The following PXN variants were observed in gnomAD, a reference collection of about 807,000 sequenced individuals.
PXN encodes testicular tissue protein Li 134.
In PXN, 61 loss-of-function variants were observed where a neutral mutation model predicts 103.6. The observed-to-expected ratio is 0.59, with a 90% CI of 0.48 to 0.73. The LOEUF (loss-of-function observed/expected upper bound fraction) is 0.73, where lower values mean the gene tolerates loss of function less well. Ranked by LOEUF, PXN falls within the 30% of genes least tolerant of loss-of-function variation. PXN has a pLI of 0.00. For synonymous variants in PXN, 562 were observed against 607.8 expected (o/e 0.92, Z 1.11); for missense variants, 1,274 against 1,460.3 (o/e 0.87, Z 2.08).
chr12:120,230,315 C>A (rs1483355381), intron 1 of PXN, among the ~76,000 whole-genome samples: 1 of 152,220 alleles, frequency 6.6e-6, no homozygotes, highest in Non-Finnish European at 1.5e-5. Context: ...AAACAAGTCC[C>A]TGTCCTAGGG....
In PXN at chr12:120,214,141, G is replaced by C; in HGVS notation, c.2825C>G (p.Pro942Arg). 6.4e-7 allele frequency: 1 copy of C among 1,552,802 alleles called. No homozygotes were observed. Among genetic ancestry groups the C allele is most frequent in the Non-Finnish European group, 8.7e-7 (1 of 1,147,840 alleles). ...TCCGCCGGTCCAGCCCGTACCTTCG[G>C]GACCAAAGAAGGCTCCACACTGTGC... ...FCAQCGAFFG[P>R]EGFHEKDGKA... The change falls in exon 13 of 15, where the codon CCC becomes CGC. Residue 942 changes from proline (P) to arginine (R), a missense_variant. By Grantham distance (103) the Pro-to-Arg change is moderately radical. Transcript: ENST00000637617. The surrounding 1 kb of genome is among the most constrained non-coding windows in gnomAD (Gnocchi z 5.0).
At position 120,216,868 on chromosome 12, in the gene PXN, C is replaced by A; in HGVS notation, c.1965G>T (p.Lys655Asn). ...TCTCTACGAGCTGCCCCCCGGCCCG[C>A]TTCCCACGTGGCTGCACAGTGATGA... ...GVIITVQPRGKRAGGQLVEKV... is the reference protein window; with the variant it reads ...GVIITVQPRGNRAGGQLVEKV... Residue 655 changes from lysine to asparagine, a missense_variant, in exon 8 of 15, where the codon AAG (lysine) becomes AAT (asparagine). By Grantham distance (94) the Lys-to-Asn change is moderately conservative (BLOSUM62 0). This residue lies in a region of PXN where 1,178 missense variants were observed against 1,309.0 expected (regional missense o/e 0.90). Transcript: ENST00000637617. The surrounding 1 kb of genome is among the most constrained non-coding windows in gnomAD (Gnocchi z 5.1). 1 of 1,508,066 alleles carries A rather than the reference C, an allele frequency of 6.6e-7. No individual in the cohort carries two copies. 93.4% of individuals were successfully genotyped at this position (1,508,066 alleles called of 1,614,324 possible).
At position 120,212,777 on chromosome 12, in the gene PXN, G is replaced by A. The variant is rs1028185172; in HGVS notation, c.2980-197C>T. ...ATAAATTTTTTTTGTAGAGATGGGG[G>A]TCTCACTATATTGCCCATGCTGGTC... On this transcript the variant is annotated intron_variant, in intron 14 of 14. Transcript: ENST00000637617. This position sits in a 1 kb window ranked among gnomAD's most constrained non-coding sequence, Gnocchi z 7.2. The A allele has an allele frequency of 1.8e-6, 1 of 565,418 alleles. No homozygotes were observed. The highest frequency in any genetic ancestry group is 2.9e-6 in the Non-Finnish European group (1 of 340,192). 35.0% of individuals were successfully genotyped at this position (565,418 alleles called of 1,614,324 possible).
Position 120,212,134 on chromosome 12 carries a change from G to T in PXN, c.*180C>A. 1 of 928,208 alleles carries T rather than the reference G, an allele frequency of 1.1e-6. No individual in the cohort carries two copies. The highest frequency in any genetic ancestry group is 1.7e-6 in the Non-Finnish European group (1 of 586,878). 57.5% of individuals were successfully genotyped at this position (928,208 alleles called of 1,614,324 possible). The stretch of plus-strand genomic sequence containing the variant: ...AGGGAGGAGGGGGCCCAGAGGCTCT[G>T]GCAGGGGTGAAGACAAGCAGGGGGA... On this transcript the variant is annotated 3_prime_UTR_variant, in exon 15 of 15. Transcript: ENST00000637617. The surrounding 1 kb of genome is among the most constrained non-coding windows in gnomAD (Gnocchi z 7.2).
intron 1 of PXN, among the ~76,000 whole-genome samples, chr12:120,230,848 A>G (rs905408588): frequency 2.6e-5 from 4 of 152,172 alleles, no homozygotes; most frequent in Non-Finnish European, 5.9e-5. Flanking sequence ...CAGCCCAGGG[A>G]CCTAGGGCCT....
At chr12:120,250,084 C>A in intron 1 of PXN, 1 of 985,690 alleles carries the variant, frequency 1.0e-6, no homozygotes, top group Non-Finnish European at 1.2e-6. Context: ...GGAGCCCATC[C>A]CACTCAGCTG....
At chr12:120,250,380 T>C (rs545409056) in intron 1 of PXN, among the ~76,000 whole-genome samples, 1 of 152,248 alleles carries the variant, frequency 6.6e-6, no homozygotes, top group Admixed American at 6.5e-5. Context: ...GTCCACTCAG[T>C]GTACAACCAC....
At chr12:120,244,089 C>T (rs141836706) in intron 1 of PXN, among the ~76,000 whole-genome samples, 19 of 151,078 alleles carry the variant, frequency 1.3e-4, no homozygotes, top group African/African-American at 3.7e-4. Context: ...ATGCAAAGCC[C>T]GGTGAGGGAG....
chr12:120,214,805 G>A lies in PXN; in HGVS notation c.2748+20C>T. On this transcript the variant is annotated intron_variant, in intron 12 of 14. Transcript: ENST00000637617. The surrounding 1 kb of genome is among the most constrained non-coding windows in gnomAD (Gnocchi z 5.0). The stretch of plus-strand genomic sequence containing the variant: ...GCTGGAATGAGCGGAAGCGGGCGCG[G>A]TGCCGGATGAGGAACTCACATCCAG... 6.2e-7 allele frequency: 1 copy of A among 1,613,138 alleles called. No homozygotes were observed. Among genetic ancestry groups the A allele is most frequent in the Non-Finnish European group, 8.5e-7 (1 of 1,179,192 alleles).
Position 120,242,133 on chromosome 12 carries a change from G to A in PXN, c.14-17756C>T, listed in dbSNP as rs79648526. On this transcript the variant is annotated intron_variant, in intron 1 of 14. Coordinates refer to ENST00000637617, the MANE Select transcript of PXN (RefSeq NM_001385981.1). Reference sequence around the variant, plus strand: ...CAGGCAGAGCCACAGTGTTCCCTGAGCCAGGGCCCAAGGACGTTTTTCTCT... The same window carrying A: ...CAGGCAGAGCCACAGTGTTCCCTGAACCAGGGCCCAAGGACGTTTTTCTCT... Among the ~76,000 whole-genome samples the A allele has an allele frequency of 9.4e-3, 1,431 of 152,170 alleles. 24 individuals are homozygous for A. The highest frequency in any genetic ancestry group is 0.03 in the African/African-American group (1,243 of 41,496).
At chr12:120,251,936 G>A (rs1445712353) in intron 1 of PXN, among the ~76,000 whole-genome samples, 2 of 152,198 alleles carry the variant, frequency 1.3e-5, no homozygotes, top group African/African-American at 2.4e-5. Context: ...ACCAGTTACT[G>A]AGCACTTTGA....
intron 1 of PXN, chr12:120,247,330 G>C (rs535388401): frequency 7.9e-5 from 12 of 152,296 alleles, no homozygotes; most frequent in Admixed American, 7.2e-4. Context: ...AGGCAGAGTG[G>C]CCCTTTGAGG....
intron 1 of PXN, among the ~76,000 whole-genome samples, chr12:120,227,844 A>G (rs1019286606): frequency 6.6e-6 from 1 of 152,196 alleles, no homozygotes; most frequent in Non-Finnish European, 1.5e-5. Flanking sequence ...ACTTCCCCAT[A>G]GGCTGCAAAA....
intron 1 of PXN, chr12:120,226,130 C>G: frequency 8.5e-7 from 1 of 1,176,732 alleles, no homozygotes; most frequent in Non-Finnish European, 1.1e-6. Context: ...AGGCCAATCC[C>G]CACGGCCTCT....
Position 120,224,858 on chromosome 12 carries a change from G to A in PXN, c.14-481C>T, listed in dbSNP as rs537294334. 2.4e-6 allele frequency: 1 copy of A among 409,500 alleles called. No homozygotes were observed. The highest frequency in any genetic ancestry group is 2.0e-5 in the African/African-American group (1 of 48,980). 25.4% of individuals were successfully genotyped at this position (409,500 alleles called of 1,614,324 possible). On this transcript the variant is annotated intron_variant, in intron 1 of 14. Coordinates refer to ENST00000637617, the MANE Select transcript of PXN (RefSeq NM_001385981.1). This position sits in a 1 kb window ranked among gnomAD's most constrained non-coding sequence, Gnocchi z 5.0. Reference sequence around the variant, plus strand: ...AGCCCCCGACTGGAAGGGGCACTCAGGATGGTCCCTGCCCTCCTAACCAGG... The same window carrying A: ...AGCCCCCGACTGGAAGGGGCACTCAAGATGGTCCCTGCCCTCCTAACCAGG...
chr12:120,215,806 A>AG lies in PXN; in HGVS notation c.2302-146_2302-145insC. 2 of 1,287,728 alleles carry AG rather than the reference A, an allele frequency of 1.6e-6. No homozygotes were observed. Among genetic ancestry groups the AG allele is most frequent in the Non-Finnish European group, 1.0e-6 (1 of 976,408 alleles). The allele number at this position is 1,287,728 out of a possible 1,614,324, so 79.8% of individuals were successfully genotyped here. A position where few individuals can be genotyped will look rare whatever the true frequency, so the allele number is the denominator to read the frequency against. On this transcript the variant is annotated intron_variant, in intron 9 of 14. Transcript: ENST00000637617. This position sits in a 1 kb window ranked among gnomAD's most constrained non-coding sequence, Gnocchi z 4.9. ...GGCAGGACCAAAATTGGGGGAAAAAATCTGGAGAAAAAGAGCCCTGAGAGA... is the reference window on the plus strand; with the variant it reads ...GGCAGGACCAAAATTGGGGGAAAAAAGTCTGGAGAAAAAGAGCCCTGAGAGA...
chr12:120,237,711 T>C (rs1047182407), intron 1 of PXN, among the ~76,000 whole-genome samples: 1 of 152,146 alleles, frequency 6.6e-6, no homozygotes, highest in Admixed American at 6.5e-5. Flanking sequence ...CATCCAGCCC[T>C]GGGTCTTCTT....
intron 1 of PXN, chr12:120,226,361 C>T (rs1248347221): frequency 3.1e-6 from 4 of 1,289,128 alleles, no homozygotes; most frequent in Admixed American, 2.3e-5. Context: ...ACCTTTGTTA[C>T]CTGCCATCCT....
intron 1 of PXN, among the ~76,000 whole-genome samples, chr12:120,262,015 C>A: frequency 6.6e-6 from 1 of 152,172 alleles, no homozygotes; most frequent in East Asian, 1.9e-4. Flanking sequence ...TGGGTAAATG[C>A]CGCCTCTGCC....
Sources: gnomAD v4.1 joint callset for allele counts (sites outside exome capture counted in the v4.1 genomes callset) on GRCh38, gnomAD v4.1.1 for gene constraint, gnomAD v4.1.1 regional missense constraint, Gnocchi (gnomAD v3.1) non-coding constraint, MANE v1.5 for transcripts, NCBI Gene and HGNC (gene_info 2026-07-23, HGNC 2026-07-21) for gene names.